Variants in PRDM16 observed in about 807,000 individuals in gnomAD.
PRDM16 encodes the protein histone-lysine N-methyltransferase PRDM16.
Under a neutral mutation model 110.6 loss-of-function variants are expected in PRDM16, and 23 were observed. The ratio of observed to expected loss-of-function variants is 0.21; its 90% CI spans 0.15 to 0.29. The LOEUF (loss-of-function observed/expected upper bound fraction) is 0.29. Ranked by LOEUF, PRDM16 falls within the 10% of genes least tolerant of loss-of-function variation. The pLI is 1.00. For synonymous variants in PRDM16, 799 were observed against 781.8 expected, an observed-to-expected ratio of 1.02 and a Z score of -0.37; for missense variants, 1,615 against 1,794.3, an observed-to-expected ratio of 0.90 and a Z score of 1.81.
At chr1:3,248,907 T>G (rs957367549) in intron 3 of PRDM16, among the ~76,000 whole-genome samples, 2 of 152,286 alleles carry the variant, frequency 1.3e-5, no homozygotes, top group African/African-American at 4.8e-5. Flanking sequence ...CCGTGGGGAC[T>G]GGGGGCTAAT....
At chr1:3,295,657 G>A (rs1379065902) in intron 3 of PRDM16, among the ~76,000 whole-genome samples, 1 of 152,240 alleles carries the variant, frequency 6.6e-6, no homozygotes, top group Non-Finnish European at 1.5e-5. Flanking sequence ...CAGGCTCTGA[G>A]GCCTGCACAC....
intron 2 of PRDM16, among the ~76,000 whole-genome samples, chr1:3,212,128 G>A (rs1638899990): frequency 6.6e-6 from 1 of 152,206 alleles, no homozygotes; most frequent in Non-Finnish European, 1.5e-5. Flanking sequence ...CGTCAGGGCT[G>A]CGGAAGGACT....
At chr1:3,373,358 T>G (rs1237855249) in intron 3 of PRDM16, among the ~76,000 whole-genome samples, 1 of 152,118 alleles carries the variant, frequency 6.6e-6, no homozygotes, top group Non-Finnish European at 1.5e-5. Flanking sequence ...CAGCGTGCCT[T>G]TGCGGTGACC....
chr1:3,356,779 G>A (rs1256698388), intron 3 of PRDM16, among the ~76,000 whole-genome samples: 1 of 152,330 alleles, frequency 6.6e-6, no homozygotes, highest in African/African-American at 2.4e-5. Flanking sequence ...ACAGATCCAG[G>A]CTCAGAGGTG....
chr1:3,351,579 T>TCTCCCTCTCTCTTCCC (rs1642487336), intron 3 of PRDM16, among the ~76,000 whole-genome samples: 2 of 1,616 alleles, frequency 1.2e-3, no homozygotes, highest in Non-Finnish European at 1.3e-3. Flanking sequence ...TTCCTCCTTC[T>TCTCCCTCTCTCTTCCC]CTCCCTCCCT....
At chr1:3,249,506 C>T (rs550071529) in intron 3 of PRDM16, among the ~76,000 whole-genome samples, 2 of 151,742 alleles carry the variant, frequency 1.3e-5, no homozygotes, top group African/African-American at 4.8e-5. Flanking sequence ...AGTGCCGTCA[C>T]TAAACTGCAG....
intron 1 of PRDM16, among the ~76,000 whole-genome samples, chr1:3,073,949 G>C (rs1021193378): frequency 2.6e-5 from 4 of 152,200 alleles, no homozygotes; most frequent in Non-Finnish European, 2.9e-5. Flanking sequence ...CCCCCCGCTT[G>C]CCTGGGTTCC....
At chr1:3,124,218 G>A (rs574939791) in intron 1 of PRDM16, among the ~76,000 whole-genome samples, 2 of 152,274 alleles carry the variant, frequency 1.3e-5, no homozygotes, top group African/African-American at 2.4e-5. Context: ...GCTCAGCCCA[G>A]CCTGGGCCCT....
At chr1:3,192,052 C>A (rs1638325256) in intron 2 of PRDM16, among the ~76,000 whole-genome samples, 1 of 152,154 alleles carries the variant, frequency 6.6e-6, no homozygotes, top group African/African-American at 2.4e-5. Flanking sequence ...CCCAGGCCAC[C>A]CTTTCCCACA....
chr1:3,413,628 C>T (rs112206206), intron 9 of PRDM16, among the ~76,000 whole-genome samples: 9,557 of 152,254 alleles, frequency 0.063, 337 homozygotes, highest in Middle Eastern at 0.11. Flanking sequence ...CCTAATAAAG[C>T]AAAAGCGGCC....
intron 1 of PRDM16, among the ~76,000 whole-genome samples, chr1:3,085,561 G>A (rs560547373): frequency 2.8e-4 from 43 of 152,346 alleles, no homozygotes; most frequent in African/African-American, 9.9e-4. Context: ...GAGTGACCCC[G>A]GCTCCTCCTG....
chr1:3,138,544 C>T (rs1643484673), intron 1 of PRDM16, among the ~76,000 whole-genome samples: 1 of 152,250 alleles, frequency 6.6e-6, no homozygotes, highest in Non-Finnish European at 1.5e-5. Context: ...CTGCCGGTGA[C>T]ATACCTGCCC....
chr1:3,408,679 A>T (rs1220164242), intron 8 of PRDM16, among the ~76,000 whole-genome samples: 1 of 132,072 alleles, frequency 7.6e-6, no homozygotes, highest in African/African-American at 3.0e-5. Flanking sequence ...TGTGAGTGTG[A>T]GCACGTGAGC....
At chr1:3,408,990 T>G (rs1643617011) in intron 8 of PRDM16, among the ~76,000 whole-genome samples, 1 of 145,574 alleles carries the variant, frequency 6.9e-6, no homozygotes, top group South Asian at 2.2e-4. Flanking sequence ...TGTGAGAGCA[T>G]GTGAGGGTTG....
chr1:3,125,531 C>T (rs1356304969), intron 1 of PRDM16, among the ~76,000 whole-genome samples: 2 of 152,268 alleles, frequency 1.3e-5, no homozygotes, highest in Admixed American at 6.5e-5. Context: ...CGCTCTGAAG[C>T]ACAGGCCTCT....
chr1:3,300,703 C>T (rs1312648886), intron 3 of PRDM16, among the ~76,000 whole-genome samples: 4 of 152,214 alleles, frequency 2.6e-5, no homozygotes, highest in Non-Finnish European at 4.4e-5. Flanking sequence ...CATTTCCTTT[C>T]ATTTCTCTTT....
rs558801658 is a variant in PRDM16, at chr1:3,126,983, G to A, written c.37+57687G>A. ...CTGGGAGCAGGGCAGGACCACCATC[G>A]GCCCCGGACACAATTGCTAGGGTCC... On this transcript the variant is annotated intron_variant, in intron 1 of 16. Coordinates refer to ENST00000270722, the MANE Select transcript of PRDM16 (RefSeq NM_022114.4). Among the ~76,000 whole-genome samples the A allele has an allele frequency of 2.0e-5, 3 of 152,312 alleles. 1 individual carries two copies. The South Asian group carries it at 6.2e-4, about 32-fold the overall frequency.
At chr1:3,413,696 C>T (rs72633335) in intron 9 of PRDM16, among the ~76,000 whole-genome samples, 22,033 of 152,130 alleles carry the variant, frequency 0.14, 1,710 homozygotes, top group Middle Eastern at 0.24. Context: ...TTTACCAAAG[C>T]GCTCTCAGTG....
At chr1:3,228,101 A>C (rs1639332895) in intron 2 of PRDM16, among the ~76,000 whole-genome samples, 1 of 152,222 alleles carries the variant, frequency 6.6e-6, no homozygotes, top group South Asian at 2.1e-4. Flanking sequence ...AGTTGGCAGC[A>C]CTGATTGAGT....
Sources: allele counts gnomAD v4.1 joint callset (sites outside exome capture counted in the v4.1 genomes callset), GRCh38; gene constraint gnomAD v4.1.1; transcripts MANE v1.5; gene names NCBI Gene and HGNC (gene_info 2026-07-23, HGNC 2026-07-21).